Variants in PIGM observed in about 807,000 individuals in gnomAD.
PIGM encodes the protein phosphatidylinositol glycan anchor biosynthesis class M, also known as GPI alpha-1,4-mannosyltransferase I, catalytic subunit.
Under a neutral mutation model 14.6 loss-of-function variants are expected in PIGM, and 7 were observed. That is an observed-to-expected ratio of 0.48 (90% CI 0.27 to 0.90). The LOEUF (loss-of-function observed/expected upper bound fraction) is 0.90, where lower values mean the gene tolerates loss of function less well. Ranked by LOEUF, PIGM falls within the 40% of genes least tolerant of loss-of-function variation. The pLI is 0.12. For missense variants in PIGM, 506 were observed against 516.2 expected (o/e 0.98, Z 0.19); for synonymous variants, 216 against 215.9 (o/e 1.00, Z 0.00).
In PIGM at chr1:160,030,545, T is replaced by C; in HGVS notation, c.1195A>G (p.Ile399Val). The change falls in exon 1 of 1, where the codon ATC becomes GTC. Residue 399 changes from isoleucine (I) to valine (V), a missense_variant. Physicochemically the swap from Ile to Val is conservative, Grantham distance 29. Coordinates refer to ENST00000368090, the MANE Select transcript of PIGM (RefSeq NM_145167.3). ...ATTTGAATCAGGATGGAACAATTGA[T>C]AAGAAGAAAGAACAAACCAGCTAAC... ...IWLAGLFFLL[I>V]NCSILIQIIS... The C allele has an allele frequency of 6.2e-7, 1 of 1,613,956 alleles. No individual in the cohort carries two copies. Among genetic ancestry groups the C allele is most frequent in the Non-Finnish European group, 8.5e-7 (1 of 1,179,818 alleles).
chr1:160,030,774 G>A lies in PIGM; in HGVS notation c.966C>T (p.Ser322=). ...DLVFCCFLHT[S]IFVTFNKVCT... ...AGACTTTGTTAAAAGTCACAAAAAT[G>A]GACGTATGAAGAAAACAACAAAAAA... Residue 322 remains serine, a synonymous_variant, in exon 1 of 1, where the codon TCC becomes TCT. Transcript: ENST00000368090. 6.2e-7 allele frequency: 1 copy of A among 1,614,138 alleles called. No individual in the cohort carries two copies. The highest frequency in any genetic ancestry group is 1.1e-5 in the South Asian group (1 of 91,080).
In PIGM at chr1:160,030,937, C is replaced by T. The variant is rs1648310637; in HGVS notation, c.803G>A (p.Arg268His). 4.3e-6 allele frequency: 7 copies of T among 1,614,010 alleles called. No homozygotes were observed. Among genetic ancestry groups the T allele is most frequent in the Non-Finnish European group, 5.9e-6 (7 of 1,180,028 alleles). ...YFYHLTRRDI[R>H]HNFSPYFYML... ...GTAGAAGTACGGAGAAAAGTTGTGACGGATATCCCGCCTAGTCAGGTGATA... is the reference window on the plus strand; with the variant it reads ...GTAGAAGTACGGAGAAAAGTTGTGATGGATATCCCGCCTAGTCAGGTGATA... The change falls in exon 1 of 1, where the codon CGT becomes CAT. Residue 268 changes from arginine (R) to histidine (H), a missense_variant. Arg to His is a conservative substitution (Grantham distance 29). Transcript: ENST00000368090.
chr1:160,031,234 G>A lies in PIGM; in HGVS notation c.506C>T (p.Ala169Val). Residue 169 changes from alanine (A) to valine (V), a missense_variant, in exon 1 of 1, where the codon GCA (alanine) becomes GTA (valine). By Grantham distance (64) the Ala-to-Val change is moderately conservative. Transcript: ENST00000368090. ...CACCGCGAAACCATAGAATACAGCT[G>A]CACACGCGACGAGTCTTTTCTTTAT... ...YLIKKRLVAC[A>V]AVFYGFAVHM... is the part of the protein sequence containing the mutation. 1 of 1,614,190 alleles carries A rather than the reference G, an allele frequency of 6.2e-7. No homozygotes were observed. The highest frequency in any genetic ancestry group is 8.5e-7 in the Non-Finnish European group (1 of 1,180,038).
At position 160,029,892 on chromosome 1, in the gene PIGM, A is replaced by ATTTT; in HGVS notation, c.*572_*575dup. The ATTTT allele has an allele frequency of 8.0e-6, 1 of 125,720 alleles. No homozygotes were observed. The highest frequency in any genetic ancestry group is 1.6e-5 in the Non-Finnish European group (1 of 61,298). The allele number at this position is 125,720 out of a possible 1,614,324, so 7.8% of individuals were successfully genotyped here. On this transcript the variant is annotated 3_prime_UTR_variant, in exon 1 of 1. Coordinates refer to ENST00000368090, the MANE Select transcript of PIGM (RefSeq NM_145167.3). ...AGGGGTGCACCACAACACCTGGCTA[A>ATTTT]TTTTTTTTTTTTTTTTTGAGACTAG...
Position 160,031,650 on chromosome 1 carries a change from G to T in PIGM, c.90C>A (p.Val30=), listed in dbSNP as rs1648341376. The part of the protein sequence containing the change: ...GVFGVAFLAR[V]ALVFYGVFQD... The stretch of plus-strand genomic sequence containing the variant: ...GGAAGACGCCATAGAAAACCAGGGC[G>T]ACTCTGGCTAGAAAGGCCACACCAA... Residue 30 remains valine (V), a synonymous_variant, in exon 1 of 1, where the codon GTC becomes GTA. Coordinates refer to ENST00000368090, the MANE Select transcript of PIGM (RefSeq NM_145167.3). The T allele has an allele frequency of 1.2e-6, 2 of 1,614,066 alleles. No individual in the cohort carries two copies. The highest frequency in any genetic ancestry group is 1.1e-5 in the South Asian group (1 of 91,080).
rs749035668 is a variant in PIGM at position 160,031,477 on chromosome 1, A to G, written c.263T>C (p.Ile88Thr). ...CTTTCCAAAGAGCTCGCTGAGGTAGATGTTGGGAGTGAGGAGCCAACCCAG... is the reference window on the plus strand; with the variant it reads ...CTTTCCAAAGAGCTCGCTGAGGTAGGTGTTGGGAGTGAGGAGCCAACCCAG... ...PLLGWLLTPN[I>T]YLSELFGKFL... Residue 88 changes from isoleucine (I) to threonine (T), a missense_variant, in exon 1 of 1, where the codon ATC becomes ACC. Ile to Thr is a moderately conservative substitution (Grantham distance 89). Coordinates refer to ENST00000368090, the MANE Select transcript of PIGM (RefSeq NM_145167.3). 6.8e-6 allele frequency: 11 copies of G among 1,613,854 alleles called. No homozygotes were observed. The African/African-American group carries it at 1.3e-4, about 20-fold the overall frequency.
At position 160,031,137 on chromosome 1, in the gene PIGM, G is replaced by A; in HGVS notation, c.603C>T (p.Asp201=). The A allele has an allele frequency of 6.2e-7, 1 of 1,613,988 alleles. No individual in the cohort carries two copies. The highest frequency in any genetic ancestry group is 1.1e-5 in the South Asian group (1 of 91,088). ...TGTACCGGAATTGACGGAGGCTTTT[G>A]TCATTGTCGCGATCTGGAAGCAGGT... ...TLHLLPDRDN[D]KSLRQFRYTF... The change falls in exon 1 of 1, where the codon GAC becomes GAT. Residue 201 remains aspartate (D), a synonymous_variant. Coordinates refer to ENST00000368090, the MANE Select transcript of PIGM (RefSeq NM_145167.3).
Position 160,031,645 on chromosome 1 carries a change from A to T in PIGM, c.95T>A (p.Leu32Gln). ...FGVAFLARVALVFYGVFQDRT... is the reference protein window; with the variant it reads ...FGVAFLARVAQVFYGVFQDRT... ...GTCCTGGAAGACGCCATAGAAAACC[A>T]GGGCGACTCTGGCTAGAAAGGCCAC... is the stretch of plus-strand genomic sequence containing the variant. Residue 32 changes from leucine to glutamine, a missense_variant, in exon 1 of 1, where the codon CTG (leucine) becomes CAG (glutamine). Coordinates refer to ENST00000368090, the MANE Select transcript of PIGM (RefSeq NM_145167.3). The T allele has an allele frequency of 6.2e-7, 1 of 1,614,136 alleles. No individual in the cohort carries two copies. The highest frequency in any genetic ancestry group is 8.5e-7 in the Non-Finnish European group (1 of 1,180,034).
rs1336109049 is a variant in PIGM, at chr1:160,027,609, G to A, written c.*2859C>T. The A allele has an allele frequency of 1.3e-5, 2 of 151,776 alleles. No homozygotes were observed. Among genetic ancestry groups the A allele is most frequent in the African/African-American group, 4.8e-5 (2 of 41,256 alleles). The allele number at this position is 151,776 out of a possible 1,614,324, so 9.4% of individuals were successfully genotyped here. On this transcript the variant is annotated 3_prime_UTR_variant, in exon 1 of 1. Coordinates refer to ENST00000368090, the MANE Select transcript of PIGM (RefSeq NM_145167.3). ...TAATAATTAATGCTTACCTGCAAAT[G>A]AACATATCAATCTTAAGAGGTGGTA...
Position 160,028,103 on chromosome 1 carries a change from A to G in PIGM, c.*2365T>C, listed in dbSNP as rs1312765097. On this transcript the variant is annotated 3_prime_UTR_variant, in exon 1 of 1. Transcript: ENST00000368090. ...AATGATGTATTTATAATGTGAATAT[A>G]CATGTGATGTCCAACAATTTCAATT... 6.6e-6 allele frequency: 1 copy of G among 152,226 alleles called. No individual in the cohort carries two copies. The highest frequency in any genetic ancestry group is 1.5e-5 in the Non-Finnish European group (1 of 68,036). 9.4% of individuals were successfully genotyped at this position (152,226 alleles called of 1,614,324 possible). A position where few individuals can be genotyped will look rare whatever the true frequency, so the allele number is the denominator to read the frequency against.
rs1648197574 is a variant in PIGM at position 160,026,912 on chromosome 1, A to C, written c.*3556T>G. 6.6e-6 allele frequency: 1 copy of C among 152,160 alleles called. No individual in the cohort carries two copies. The highest frequency in any genetic ancestry group is 1.5e-5 in the Non-Finnish European group (1 of 68,034). 9.4% of individuals were successfully genotyped at this position (152,160 alleles called of 1,614,324 possible). A position where few individuals can be genotyped will look rare whatever the true frequency, so the allele number is the denominator to read the frequency against. ...CACCCAGGCTGGAGTGCAGTGGCACAATCATAGTTCACTATAACCTCCTCG... is the reference window on the plus strand; with the variant it reads ...CACCCAGGCTGGAGTGCAGTGGCACCATCATAGTTCACTATAACCTCCTCG... On this transcript the variant is annotated 3_prime_UTR_variant, in exon 1 of 1. Transcript: ENST00000368090.
At position 160,030,427 on chromosome 1, in the gene PIGM, A is replaced by G. The variant is rs1348425000; in HGVS notation, c.*41T>C. The G allele has an allele frequency of 1.9e-6, 3 of 1,567,088 alleles. No individual in the cohort carries two copies. Among genetic ancestry groups the G allele is most frequent in the Non-Finnish European group, 2.6e-6 (3 of 1,138,110 alleles). ...AGCTCTCTTCTGGTCCATACAAGAC[A>G]ATCAGAATGTAACACAGTAGCAGAG... On this transcript the variant is annotated 3_prime_UTR_variant, in exon 1 of 1. Transcript: ENST00000368090.
At position 160,031,957 on chromosome 1, in the gene PIGM, A is replaced by C; in HGVS notation, c.-218T>G. On this transcript the variant is annotated 5_prime_UTR_variant, in exon 1 of 1. Coordinates refer to ENST00000368090, the MANE Select transcript of PIGM (RefSeq NM_145167.3). ...GTCTTCTCAGCCGCCCGAGCCAAAA[A>C]CTTGCCTTCCTCTGGATGGACGGTC... The C allele has an allele frequency of 1.5e-6, 1 of 657,656 alleles. No individual in the cohort carries two copies. The highest frequency in any genetic ancestry group is 2.8e-6 in the Non-Finnish European group (1 of 358,880). 40.7% of individuals were successfully genotyped at this position (657,656 alleles called of 1,614,324 possible).
In PIGM at chr1:160,027,441, C is replaced by T. The variant is rs2101917947; in HGVS notation, c.*3027G>A. On this transcript the variant is annotated 3_prime_UTR_variant, in exon 1 of 1. Coordinates refer to ENST00000368090, the MANE Select transcript of PIGM (RefSeq NM_145167.3). Reference sequence around the variant, plus strand: ...GCACTGGGTGGGAGTATTAGCCTTTCCAATGGGCCTATCAAGAGAATTTAT... The same window carrying T: ...GCACTGGGTGGGAGTATTAGCCTTTTCAATGGGCCTATCAAGAGAATTTAT... The T allele has an allele frequency of 6.6e-6, 1 of 152,256 alleles. No homozygotes were observed. The highest frequency in any genetic ancestry group is 2.1e-4 in the South Asian group (1 of 4,820). The allele number at this position is 152,256 out of a possible 1,614,324, so 9.4% of individuals were successfully genotyped here.
At position 160,026,626 on chromosome 1, in the gene PIGM, A is replaced by G. The variant is rs1648191591; in HGVS notation, c.*3842T>C. 1 of 152,098 alleles carries G rather than the reference A, an allele frequency of 6.6e-6. No individual in the cohort carries two copies. The highest frequency in any genetic ancestry group is 2.4e-5 in the African/African-American group (1 of 41,416). The allele number at this position is 152,098 out of a possible 1,614,324, so 9.4% of individuals were successfully genotyped here. A position where few individuals can be genotyped will look rare whatever the true frequency, so the allele number is the denominator to read the frequency against. On this transcript the variant is annotated 3_prime_UTR_variant, in exon 1 of 1. Coordinates refer to ENST00000368090, the MANE Select transcript of PIGM (RefSeq NM_145167.3). ...GAAGCCAATGAGGGAAGATCACTTA[A>G]GTGATCTCCCTCTTGCAACATAGCA...
rs1251913854 is a variant in PIGM, at chr1:160,031,310, C to G, written c.430G>C (p.Gly144Arg). ...GAGGCGACAATAGAGTCCGCATTAC[C>G]GCGGCTGGATACTGCCATAGGCAGG... ...NPLPMAVSSRGNADSIVASLV... is the reference protein window; with the variant it reads ...NPLPMAVSSRRNADSIVASLV... The change falls in exon 1 of 1, where the codon GGT becomes CGT. Residue 144 changes from glycine to arginine, a missense_variant. Physicochemically the swap from Gly to Arg is moderately radical, Grantham distance 125 (BLOSUM62 -2). Transcript: ENST00000368090. The G allele has an allele frequency of 6.2e-7, 1 of 1,613,700 alleles. No homozygotes were observed. Among genetic ancestry groups the G allele is most frequent in the Non-Finnish European group, 8.5e-7 (1 of 1,179,908 alleles).
At position 160,031,974 on chromosome 1, in the gene PIGM, T is replaced by G. The variant is rs916067670; in HGVS notation, c.-235A>C. The stretch of plus-strand genomic sequence containing the variant: ...AGCCAAAAACTTGCCTTCCTCTGGA[T>G]GGACGGTCTCGCTTCCGCTTCTTCT... On this transcript the variant is annotated 5_prime_UTR_variant, in exon 1 of 1. Coordinates refer to ENST00000368090, the MANE Select transcript of PIGM (RefSeq NM_145167.3). 1.1e-5 allele frequency: 7 copies of G among 620,862 alleles called. No homozygotes were observed. The highest frequency in any genetic ancestry group is 1.0e-4 in the Admixed American group (4 of 39,486). The allele number at this position is 620,862 out of a possible 1,614,324, so 38.5% of individuals were successfully genotyped here. A position where few individuals can be genotyped will look rare whatever the true frequency, so the allele number is the denominator to read the frequency against.
rs1457554051 is a variant in PIGM, at chr1:160,031,789, A to T, written c.-50T>A. The T allele has an allele frequency of 6.2e-7, 1 of 1,608,382 alleles. No homozygotes were observed. Among genetic ancestry groups the T allele is most frequent in the African/African-American group, 1.3e-5 (1 of 74,766 alleles). ...AGCCCCAGCTCCAAACTGCCTTCGTACTTCTAACCTTCCCTTCGGTTCTTT... is the reference window on the plus strand; with the variant it reads ...AGCCCCAGCTCCAAACTGCCTTCGTTCTTCTAACCTTCCCTTCGGTTCTTT... On this transcript the variant is annotated 5_prime_UTR_variant, in exon 1 of 1. Coordinates refer to ENST00000368090, the MANE Select transcript of PIGM (RefSeq NM_145167.3).
Position 160,031,139 on chromosome 1 carries a change from C to T in PIGM, c.601G>A (p.Asp201Asn). ...TLHLLPDRDN[D>N]KSLRQFRYTF... is the part of the protein sequence containing the mutation. ...TACCGGAATTGACGGAGGCTTTTGT[C>T]ATTGTCGCGATCTGGAAGCAGGTGG... is the stretch of plus-strand genomic sequence containing the variant. Residue 201 changes from aspartate to asparagine, a missense_variant, in exon 1 of 1, where the codon GAC (aspartate) becomes AAC (asparagine). By Grantham distance (23) the Asp-to-Asn change is conservative (BLOSUM62 1). Coordinates refer to ENST00000368090, the MANE Select transcript of PIGM (RefSeq NM_145167.3). 2 of 1,613,930 alleles carry T rather than the reference C, an allele frequency of 1.2e-6. No individual in the cohort carries two copies. The highest frequency in any genetic ancestry group is 1.7e-6 in the Non-Finnish European group (2 of 1,179,896).
Sources: gnomAD v4.1 joint callset for allele counts on GRCh38, gnomAD v4.1.1 for gene constraint, MANE v1.5 for transcripts, NCBI Gene and HGNC (gene_info 2026-07-23, HGNC 2026-07-21) for gene names.